Variants in PDE1C observed in about 807,000 individuals in gnomAD.
PDE1C encodes phosphodiesterase 1C.
PDE1C carries 62 observed loss-of-function variants against 93.1 expected under a neutral mutation model. The observed-to-expected ratio is 0.67, with a 90% CI of 0.54 to 0.82. PDE1C has a LOEUF of 0.82. Among genes scored for constraint, PDE1C ranks in the 40% least tolerant of loss-of-function variants. PDE1C has a pLI of 0.00. For synonymous variants in PDE1C, 325 were observed against 310.1 expected (o/e 1.05, Z -0.50); for missense variants, 742 against 884.6 (o/e 0.84, Z 2.04).
chr7:32,311,027 G>C (rs1293493832), intron 1 of PDE1C, among the ~76,000 whole-genome samples: 1 of 152,114 alleles, frequency 6.6e-6, no homozygotes, highest in Non-Finnish European at 1.5e-5. Flanking sequence ...AAGAAGAAAA[G>C]AGAGAAGAAT....
intron 2 of PDE1C, among the ~76,000 whole-genome samples, chr7:32,199,633 C>T (rs373617783): frequency 6.6e-5 from 10 of 152,208 alleles, no homozygotes; most frequent in Admixed American, 1.3e-4. Context: ...TGAAGTTCTA[C>T]GGATTATCTT....
At chr7:32,257,078 A>C (rs1809854143) in intron 1 of PDE1C, among the ~76,000 whole-genome samples, 1 of 152,210 alleles carries the variant, frequency 6.6e-6, no homozygotes, top group Non-Finnish European at 1.5e-5. Flanking sequence ...TCAGACACAC[A>C]GTTTCTGACC....
At chr7:31,978,987 C>T (rs763620398) in intron 2 of PDE1C, among the ~76,000 whole-genome samples, 1 of 152,160 alleles carries the variant, frequency 6.6e-6, no homozygotes. Context: ...TGATGCCACA[C>T]TTGTTTATAG....
At chr7:32,191,357 C>A (rs73104568) in intron 2 of PDE1C, among the ~76,000 whole-genome samples, 1 of 125,936 alleles carries the variant, frequency 7.9e-6, no homozygotes, top group Non-Finnish European at 1.9e-5. Flanking sequence ...CTCATGTTAT[C>A]CTGTTATAGC....
At position 31,775,736 on chromosome 7, in the gene PDE1C, T is replaced by A. The variant is rs773595028; in HGVS notation, c.1892-4A>T. On this transcript the variant is annotated splice_polypyrimidine_tract_variant and splice_region_variant and intron_variant, in intron 16 of 17. Coordinates refer to ENST00000396191, the MANE Select transcript of PDE1C (RefSeq NM_001191057.4). Reference sequence around the variant, plus strand: ...CCGTGAGAACGCTGTTTTGTGCCTGTGAAGAGGAAAAAGAGGATAAGGAAA... The same window carrying A: ...CCGTGAGAACGCTGTTTTGTGCCTGAGAAGAGGAAAAAGAGGATAAGGAAA... 2.5e-6 allele frequency: 4 copies of A among 1,612,256 alleles called. No homozygotes were observed. Among genetic ancestry groups the A allele is most frequent in the Non-Finnish European group, 3.4e-6 (4 of 1,179,444 alleles).
the PDE1C span, among the ~76,000 whole-genome samples, chr7:31,742,790 C>T: frequency 6.6e-6 from 1 of 152,174 alleles, no homozygotes; most frequent in African/African-American, 2.4e-5. Context: ...GAGCACCTGG[C>T]CAGCCAATCA....
intron 2 of PDE1C, among the ~76,000 whole-genome samples, chr7:31,919,923 T>C (rs992487551): frequency 3.3e-5 from 5 of 152,186 alleles, no homozygotes; most frequent in Admixed American, 2.0e-4. Flanking sequence ...AGCAGCCTCA[T>C]TGCCTGGGAG....
At chr7:32,083,145 G>C (rs866508414) in intron 3 of PDE1C, among the ~76,000 whole-genome samples, 5 of 152,162 alleles carry the variant, frequency 3.3e-5, no homozygotes, top group African/African-American at 7.2e-5. Context: ...AACCAATACA[G>C]AGAAGTGCTT....
the PDE1C span, chr7:31,653,544 A>G: frequency 6.6e-6 from 1 of 152,352 alleles, no homozygotes; most frequent in East Asian, 1.9e-4. Context: ...AAAATTCAAC[A>G]GAACTGTTTT....
chr7:31,754,121 T>C (rs1794295364), intron 17 of PDE1C, among the ~76,000 whole-genome samples: 2 of 152,298 alleles, frequency 1.3e-5, no homozygotes, highest in East Asian at 3.9e-4. Context: ...AAGGAAGATG[T>C]ATGTGTCAAA....
intron 1 of PDE1C, among the ~76,000 whole-genome samples, chr7:32,213,794 G>T (rs1168876404): frequency 6.6e-6 from 1 of 152,186 alleles, no homozygotes; most frequent in East Asian, 1.9e-4. Flanking sequence ...ACAAAACACA[G>T]ATTCTAGTTC....
chr7:31,825,139 C>T (rs1469492598), intron 12 of PDE1C, 152 bp from the exon 13 acceptor site: 14 of 1,016,828 alleles, frequency 1.4e-5, no homozygotes, highest in Non-Finnish European at 1.6e-5. Flanking sequence ...TTGAATATTA[C>T]ATGTCAGTTT....
the PDE1C span, chr7:31,643,572 T>G: frequency 6.2e-7 from 1 of 1,614,020 alleles, no homozygotes; most frequent in South Asian, 1.1e-5. Context: ...GAGGAACATC[T>G]TTAGAATGCA....
At chr7:32,048,328 C>T (rs1406145685) in intron 2 of PDE1C, among the ~76,000 whole-genome samples, 2 of 152,128 alleles carry the variant, frequency 1.3e-5, no homozygotes, top group Non-Finnish European at 2.9e-5. Flanking sequence ...AGAAGTGATG[C>T]TGTGCTCACT....
intron 8 of PDE1C, among the ~76,000 whole-genome samples, chr7:31,849,494 C>T (rs1018141327): frequency 2.0e-5 from 3 of 152,200 alleles, no homozygotes; most frequent in Non-Finnish European, 4.4e-5. Flanking sequence ...AGCTGAAGTT[C>T]TTTTGTCTGC....
At chr7:31,832,186 TAATA>T in intron 11 of PDE1C, among the ~76,000 whole-genome samples, 1 of 152,194 alleles carries the variant, frequency 6.6e-6, no homozygotes, top group Non-Finnish European at 1.5e-5. Flanking sequence ...CCAACACGTG[TAATA>T]AATAAAAATG....
the PDE1C span, among the ~76,000 whole-genome samples, chr7:31,689,445 G>A: frequency 6.6e-6 from 1 of 152,088 alleles, no homozygotes; most frequent in Non-Finnish European, 1.5e-5. Flanking sequence ...ACCTTCCCTG[G>A]GCAGCCCAAC....
chr7:31,694,269 A>G, the PDE1C span, among the ~76,000 whole-genome samples: 1 of 152,134 alleles, frequency 6.6e-6, no homozygotes, highest in African/African-American at 2.4e-5. Context: ...CCCTAAGTTT[A>G]GTGGAAGGTT....
At chr7:31,843,185 C>T (rs1792134256) in intron 9 of PDE1C, among the ~76,000 whole-genome samples, 1 of 151,898 alleles carries the variant, frequency 6.6e-6, no homozygotes, top group South Asian at 2.1e-4. Context: ...GCAGTTGTTG[C>T]ATGGTGTTCT....
Sources: allele counts gnomAD v4.1 joint callset (sites outside exome capture counted in the v4.1 genomes callset), GRCh38; gene constraint gnomAD v4.1.1; transcripts MANE v1.5; gene names NCBI Gene and HGNC (gene_info 2026-07-23, HGNC 2026-07-21).